The following GLT1D1 variants were observed in gnomAD, a reference collection of about 807,000 sequenced individuals.
The protein encoded by GLT1D1 is glycosyltransferase 1 domain-containing protein 1.
Under a neutral mutation model 28.7 loss-of-function variants are expected in GLT1D1, and 21 were observed. The observed-to-expected ratio is 0.73, with a 90% CI of 0.52 to 1.05. GLT1D1 has a LOEUF of 1.05. GLT1D1 is among the 50% of genes least tolerant of loss of function. The pLI is 0.00. For missense variants in GLT1D1, 343 were observed against 330.6 expected (o/e 1.04, Z -0.29); for synonymous variants, 147 against 124.8 (o/e 1.18, Z -1.19).
At chr12:128,970,708 G>A (rs1049269738) in intron 7 of GLT1D1, among the ~76,000 whole-genome samples, 1 of 152,322 alleles carries the variant, frequency 6.6e-6, no homozygotes, top group Middle Eastern at 3.4e-3. Flanking sequence ...CTCCTCAAAT[G>A]TTTCTTGGTT....
Position 128,983,049 on chromosome 12 carries a change from C to T in GLT1D1, c.760C>T (p.Gln254Ter). 1 of 1,614,102 alleles carries T rather than the reference C, an allele frequency of 6.2e-7. No homozygotes were observed. Residue 254 changes from glutamine to a stop codon, truncating the protein, a stop_gained, in exon 8 of 8, where the codon CAA becomes TAA. Transcript: ENST00000281703. LOFTEE classifies it low-confidence loss of function (END_TRUNC). The surrounding 1 kb of genome is among the most constrained non-coding windows in gnomAD (Gnocchi z 4.7). Reference sequence around the variant, plus strand: ...ATGGCAGGTGGAAAGAGACACCTACCAACAGCTCATCAGGAAGCTGGAAGG... The same window carrying T: ...ATGGCAGGTGGAAAGAGACACCTACTAACAGCTCATCAGGAAGCTGGAAGG...
chr12:128,962,107 C>T (rs2135524434), intron 7 of GLT1D1, among the ~76,000 whole-genome samples: 1 of 152,054 alleles, frequency 6.6e-6, no homozygotes, highest in Admixed American at 6.5e-5. Flanking sequence ...CACTTGTGTC[C>T]TATGGCAGCC....
intron 7 of GLT1D1, among the ~76,000 whole-genome samples, chr12:128,966,728 G>A (rs571039463): frequency 8.5e-5 from 13 of 152,324 alleles, no homozygotes; most frequent in Non-Finnish European, 1.3e-4. Context: ...TGGGAATCTG[G>A]AGGGAAGTTT....
In GLT1D1 at chr12:128,879,367, TATTTTTTTC is replaced by T. The variant is rs1278358767; in HGVS notation, c.217+3306_217+3314del. The stretch of plus-strand genomic sequence containing the variant: ...TCATTTTCTGTAAAGTGATACTTAT[TATTTTTTTC>T]TTTTTCTTTCTTTCTTTCTTTCTTT... On this transcript the variant is annotated intron_variant, in intron 2 of 7. Transcript: ENST00000281703. Among the ~76,000 whole-genome samples, 150 of 137,076 alleles carry T rather than the reference TATTTTTTTC, an allele frequency of 1.1e-3. 2 individuals carry two copies. The highest frequency in any genetic ancestry group is 1.1e-3 in the Non-Finnish European group (72 of 65,740). The allele number at this position is 137,076 out of a possible 152,430, so 89.9% of individuals were successfully genotyped here. A position where few individuals can be genotyped will look rare whatever the true frequency, so the allele number is the denominator to read the frequency against.
intron 4 of GLT1D1, among the ~76,000 whole-genome samples, chr12:128,904,747 C>T (rs1056442294): frequency 1.3e-5 from 2 of 150,984 alleles, no homozygotes; most frequent in Non-Finnish European, 2.9e-5. Context: ...GATTCTCCTG[C>T]CTCAGCTTCC....
At chr12:128,867,532 C>T (rs1206667719) in intron 1 of GLT1D1, among the ~76,000 whole-genome samples, 1 of 151,736 alleles carries the variant, frequency 6.6e-6, no homozygotes, top group African/African-American at 2.4e-5. Flanking sequence ...GGGCATACAG[C>T]AGGTGCGCTT....
intron 2 of GLT1D1, among the ~76,000 whole-genome samples, chr12:128,877,389 G>GT (rs1419621261): frequency 5.3e-5 from 8 of 152,094 alleles, no homozygotes; most frequent in Non-Finnish European, 8.8e-5. Context: ...AATTTTAGAG[G>GT]TTTTTTACTG....
At chr12:128,867,397 C>CAAAAAAAAAAAAAAAAAAAAACAAA (rs1158997935) in intron 1 of GLT1D1, among the ~76,000 whole-genome samples, 1 of 59,306 alleles carries the variant, frequency 1.7e-5, no homozygotes, top group Non-Finnish European at 3.2e-5. Context: ...AACTCCTTCT[C>CAAAAAAAAAAAAAAAAAAAAACAAA]AAAAAAAAAA....
intron 2 of GLT1D1, 55 bp downstream of exon 2, chr12:128,876,117 G>C: frequency 6.7e-7 from 1 of 1,499,534 alleles, no homozygotes; most frequent in Non-Finnish European, 9.1e-7. Context: ...AACCGGAAGT[G>C]CCTGTAATGT....
chr12:128,881,969 T>C (rs763830994), intron 2 of GLT1D1, among the ~76,000 whole-genome samples: 2 of 151,998 alleles, frequency 1.3e-5, no homozygotes, highest in African/African-American at 2.4e-5. Flanking sequence ...GCATAAACCT[T>C]TGGAGCCCAT....
At chr12:128,874,067 T>TCTTTCTTC (rs1491263528) in intron 1 of GLT1D1, among the ~76,000 whole-genome samples, 1 of 26,286 alleles carries the variant, frequency 3.8e-5, no homozygotes. Context: ...CTCCTTTCTT[T>TCTTTCTTC]CTTTCTTTCT....
intron 6 of GLT1D1, among the ~76,000 whole-genome samples, chr12:128,951,435 G>A (rs998514137): frequency 6.6e-6 from 1 of 152,106 alleles, no homozygotes; most frequent in Admixed American, 6.6e-5. Context: ...AACACATCAT[G>A]TTGTACACTG....
At chr12:128,898,136 C>T (rs963498222) in intron 3 of GLT1D1, among the ~76,000 whole-genome samples, 13 of 152,032 alleles carry the variant, frequency 8.6e-5, no homozygotes, top group African/African-American at 2.7e-4. Flanking sequence ...TCTTCTTCCT[C>T]TTCCTCTTCT....
chr12:128,934,694 G>T (rs867088927), intron 4 of GLT1D1, among the ~76,000 whole-genome samples: 1 of 152,208 alleles, frequency 6.6e-6, no homozygotes, highest in Admixed American at 6.5e-5. Context: ...AGAAGACAAG[G>T]TCTCACTAAG....
chr12:128,917,378 C>T lies in GLT1D1; in HGVS notation c.375+18091C>T, dbSNP rs538113914. On this transcript the variant is annotated intron_variant, in intron 4 of 7. Transcript: ENST00000281703. Reference sequence around the variant, plus strand: ...TGAACCTCCACCTCCTGGCTTCAAGCGATTCTCCTGCCTTAGCCTCTCAAG... The same window carrying T: ...TGAACCTCCACCTCCTGGCTTCAAGTGATTCTCCTGCCTTAGCCTCTCAAG... Among the ~76,000 whole-genome samples the T allele has an allele frequency of 2.6e-5, 4 of 152,128 alleles. 1 individual carries two copies. The highest frequency in any genetic ancestry group is 4.1e-4 in the South Asian group (2 of 4,836).
At chr12:128,977,772 CTTTTTTCTT>C (rs1002948094) in intron 7 of GLT1D1, among the ~76,000 whole-genome samples, 6 of 26,134 alleles carry the variant, frequency 2.3e-4, no homozygotes, top group South Asian at 2.2e-3. Flanking sequence ...TTTCTTTTTT[CTTTTTTCTT>C]TTTTTTTTTT....
intron 4 of GLT1D1, among the ~76,000 whole-genome samples, chr12:128,933,709 C>G (rs1874200085): frequency 6.6e-6 from 1 of 152,122 alleles, no homozygotes; most frequent in South Asian, 2.1e-4. Flanking sequence ...AGACACCCTT[C>G]CCCTGACCAC....
chr12:128,929,136 A>C (rs1873596834), intron 4 of GLT1D1, among the ~76,000 whole-genome samples: 1 of 152,170 alleles, frequency 6.6e-6, no homozygotes, highest in African/African-American at 2.4e-5. Flanking sequence ...GAGCATCTGG[A>C]TGGGAAGCAG....
intron 2 of GLT1D1, among the ~76,000 whole-genome samples, chr12:128,884,585 C>T (rs542647017): frequency 2.5e-4 from 38 of 152,196 alleles, no homozygotes; most frequent in Non-Finnish European, 4.1e-4. Context: ...AAGGCTGAGG[C>T]GGGTGGATCA....
Sources: allele counts gnomAD v4.1 joint callset (sites outside exome capture counted in the v4.1 genomes callset), GRCh38; gene constraint gnomAD v4.1.1; non-coding constraint Gnocchi (gnomAD v3.1); transcripts MANE v1.5; gene names NCBI Gene and HGNC (gene_info 2026-07-23, HGNC 2026-07-21).